Variants in KLHL29 observed in about 807,000 individuals in gnomAD.
KLHL29 encodes the protein kelch like family member 29.
Under a neutral mutation model 80.4 loss-of-function variants are expected in KLHL29, and 21 were observed. The observed-to-expected ratio is 0.26, with a 90% CI of 0.19 to 0.38. The LOEUF (loss-of-function observed/expected upper bound fraction) is 0.38, where lower values mean the gene tolerates loss of function less well. KLHL29 is among the 10% of genes least tolerant of loss of function. The probability of loss-of-function intolerance (pLI) is 1.00; values close to 1 mark genes in which losing one functional copy is unlikely to be tolerated. For missense variants in KLHL29, 867 were observed against 1,223.9 expected, an observed-to-expected ratio of 0.71 and a Z score of 4.35; for synonymous variants, 511 against 526.8, an observed-to-expected ratio of 0.97 and a Z score of 0.41.
chr2:23,470,426 C>G (rs564815530), intron 1 of KLHL29, among the ~76,000 whole-genome samples: 2 of 152,322 alleles, frequency 1.3e-5, no homozygotes, highest in East Asian at 3.9e-4. Context: ...TTCAGGCTCC[C>G]TCTTTGACTT....
chr2:23,396,896 C>G (rs983634349), intron 1 of KLHL29, among the ~76,000 whole-genome samples: 1 of 152,100 alleles, frequency 6.6e-6, no homozygotes, highest in Non-Finnish European at 1.5e-5. Flanking sequence ...CTCTTTCCCC[C>G]AAGAGGAGAA....
intron 2 of KLHL29, among the ~76,000 whole-genome samples, chr2:23,556,589 G>T (rs1667303287): frequency 6.6e-6 from 1 of 151,790 alleles, no homozygotes; most frequent in Non-Finnish European, 1.5e-5. Flanking sequence ...GGAGTTGGAG[G>T]TTGCGGTGAG....
chr2:23,683,546 C>T (rs990704929), intron 5 of KLHL29, among the ~76,000 whole-genome samples: 1 of 152,220 alleles, frequency 6.6e-6, no homozygotes, highest in African/African-American at 2.4e-5. Context: ...CTGGGAGAAG[C>T]TTCTGACATC....
At chr2:23,449,350 T>G (rs1663801109) in intron 1 of KLHL29, among the ~76,000 whole-genome samples, 1 of 152,230 alleles carries the variant, frequency 6.6e-6, no homozygotes, top group African/African-American at 2.4e-5. Flanking sequence ...CAATGCTGCC[T>G]AACAAGTCAC....
At position 23,695,615 on chromosome 2, in the gene KLHL29, C is replaced by G; in HGVS notation, c.1543-8C>G. ...GTCTAAGAAGATTCTGTCTCCTGTA[C>G]CCTGCAGTACGCGGCTGAGCTCCTG... On this transcript the variant is annotated splice_polypyrimidine_tract_variant and splice_region_variant and intron_variant, in intron 8 of 13. Coordinates refer to ENST00000486442, the MANE Select transcript of KLHL29 (RefSeq NM_052920.2). This position sits in a 1 kb window ranked among gnomAD's most constrained non-coding sequence, Gnocchi z 7.6. 6.5e-7 allele frequency: 1 copy of G among 1,544,346 alleles called. No individual in the cohort carries two copies. Among genetic ancestry groups the G allele is most frequent in the Non-Finnish European group, 8.7e-7 (1 of 1,143,108 alleles).
At position 23,642,666 on chromosome 2, in the gene KLHL29, G is replaced by A; in HGVS notation, c.756G>A (p.Val252=). The change falls in exon 5 of 14, where the codon GTG becomes GTA. Residue 252 remains valine, a synonymous_variant. Transcript: ENST00000486442. ...TGGCCCGCCCAGGACCCACCGCTGTGGGCAACGGCCACATGGCAGGGCCCC... is the reference window on the plus strand; with the variant it reads ...TGGCCCGCCCAGGACCCACCGCTGTAGGCAACGGCCACATGGCAGGGCCCC... The part of the protein sequence containing the change: ...GQVARPGPTA[V]GNGHMAGPLL... 3 of 1,548,180 alleles carry A rather than the reference G, an allele frequency of 1.9e-6. No homozygotes were observed. Among genetic ancestry groups the A allele is most frequent in the South Asian group, 2.4e-5 (2 of 83,936 alleles).
At chr2:23,572,903 T>C (rs1241868783) in intron 3 of KLHL29, among the ~76,000 whole-genome samples, 2 of 152,186 alleles carry the variant, frequency 1.3e-5, no homozygotes, top group African/African-American at 2.4e-5. Context: ...GGTTTCACCA[T>C]GGTCTCGATC....
rs148216878 is a variant in KLHL29, at chr2:23,493,043, C to T, written c.-46+17376C>T. ...TTCCAGGATCTAATGGGCAGTTGGA[C>T]GAGATGATGTTCAAGCTCCGTTCCT... On this transcript the variant is annotated intron_variant, in intron 2 of 13. Transcript: ENST00000486442. Among the ~76,000 whole-genome samples, 7 of 152,316 alleles carry T rather than the reference C, an allele frequency of 4.6e-5. No individual in the cohort carries two copies. In the East Asian group the frequency reaches 1.2e-3, roughly 25 times the overall value.
intron 1 of KLHL29, among the ~76,000 whole-genome samples, chr2:23,441,043 G>A (rs573305757): frequency 5.7e-4 from 86 of 152,104 alleles, no homozygotes; most frequent in African/African-American, 1.7e-3. Context: ...TGTTTATTGC[G>A]GCACTATTCA....
At chr2:23,465,313 A>G (rs1407856034) in intron 1 of KLHL29, among the ~76,000 whole-genome samples, 1 of 152,066 alleles carries the variant, frequency 6.6e-6, no homozygotes, top group Non-Finnish European at 1.5e-5. Context: ...TGCTGCACCC[A>G]TTTTCCAGCC....
chr2:23,663,477 G>A (rs1277328949), intron 5 of KLHL29, among the ~76,000 whole-genome samples: 2 of 152,200 alleles, frequency 1.3e-5, no homozygotes, highest in Non-Finnish European at 2.9e-5. Context: ...TCCCGGGCCC[G>A]CGGAGGTGGC....
chr2:23,665,288 A>G (rs1316943826), intron 5 of KLHL29, among the ~76,000 whole-genome samples: 1 of 152,122 alleles, frequency 6.6e-6, no homozygotes, highest in Non-Finnish European at 1.5e-5. Flanking sequence ...GCTTGGAGGG[A>G]TGTGTTGTCT....
intron 1 of KLHL29, among the ~76,000 whole-genome samples, chr2:23,433,407 T>C (rs931363219): frequency 2.6e-5 from 4 of 152,120 alleles, no homozygotes; most frequent in Non-Finnish European, 5.9e-5. Context: ...CATGAGGGAA[T>C]CTGGTGTTGG....
intron 2 of KLHL29, among the ~76,000 whole-genome samples, chr2:23,534,870 C>T (rs564837312): frequency 6.6e-6 from 1 of 152,310 alleles, no homozygotes; most frequent in South Asian, 2.1e-4. Context: ...CAGCCTAGAA[C>T]CCCCTGCAGG....
chr2:23,433,840 G>A (rs1252307961), intron 1 of KLHL29, among the ~76,000 whole-genome samples: 1 of 152,150 alleles, frequency 6.6e-6, no homozygotes, highest in Admixed American at 6.5e-5. Flanking sequence ...ACTTGCCTGA[G>A]CTCAAGAGTT....
intron 4 of KLHL29, among the ~76,000 whole-genome samples, chr2:23,640,607 G>C (rs139802994): frequency 3.6e-4 from 55 of 152,288 alleles, no homozygotes; most frequent in African/African-American, 1.3e-3. Flanking sequence ...GCACATTCTA[G>C]AATCTTGCCA....
At chr2:23,450,879 A>G (rs1266448133) in intron 1 of KLHL29, among the ~76,000 whole-genome samples, 6 of 152,162 alleles carry the variant, frequency 3.9e-5, no homozygotes, top group Non-Finnish European at 8.8e-5. Flanking sequence ...GAAACCCCAT[A>G]CACATTAGCA....
At chr2:23,533,452 G>A (rs1488921805) in intron 2 of KLHL29, among the ~76,000 whole-genome samples, 1 of 152,160 alleles carries the variant, frequency 6.6e-6, no homozygotes, top group Non-Finnish European at 1.5e-5. Context: ...ATGGCATTTG[G>A]CGTCAGAGAA....
intron 5 of KLHL29, among the ~76,000 whole-genome samples, chr2:23,650,460 T>C (rs1572466550): frequency 2.0e-5 from 3 of 152,326 alleles, no homozygotes; most frequent in South Asian, 4.1e-4. Flanking sequence ...TCTCTCTCAA[T>C]GCTTGGCACG....
Sources: gnomAD v4.1 joint callset for allele counts (sites outside exome capture counted in the v4.1 genomes callset) on GRCh38, gnomAD v4.1.1 for gene constraint, Gnocchi (gnomAD v3.1) non-coding constraint, MANE v1.5 for transcripts, NCBI Gene and HGNC (gene_info 2026-07-23, HGNC 2026-07-21) for gene names.